EBF2: variants seen among roughly 807,000 people sequenced by gnomAD.
EBF2 encodes the protein EBF transcription factor 2, also known as transcription factor COE2.
EBF2 carries 21 observed loss-of-function variants against 72.8 expected under a neutral mutation model. The ratio of observed to expected loss-of-function variants is 0.29; its 90% CI spans 0.20 to 0.42. The LOEUF is 0.42. Among genes scored for constraint, EBF2 ranks in the 10% least tolerant of loss-of-function variants. The pLI is 1.00. For synonymous variants in EBF2, 299 were observed against 274.2 expected, an observed-to-expected ratio of 1.09 and a Z score of -0.89; for missense variants, 637 against 731.2, an observed-to-expected ratio of 0.87 and a Z score of 1.49.
rs185790316 is a variant in EBF2, at chr8:25,998,907, C to G, written c.551+34178G>C. On this transcript the variant is annotated intron_variant, in intron 6 of 15. Transcript: ENST00000520164. ...GGAAATACACTCGTCACCACCGTCT[C>G]TCTTTGAATAAACAAATTTCGGGTC... 2.0e-4 allele frequency among the ~76,000 whole-genome samples: 30 copies of G among 152,294 alleles called. No individual in the cohort carries two copies. The East Asian group carries it at 5.6e-3, about 28-fold the overall frequency.
intron 10 of EBF2, among the ~76,000 whole-genome samples, chr8:25,878,022 C>G (rs147159183): frequency 6.6e-6 from 1 of 152,162 alleles, no homozygotes; most frequent in African/African-American, 2.4e-5. Flanking sequence ...TAATTGGCAC[C>G]AGAGCTTTAC....
intron 6 of EBF2, among the ~76,000 whole-genome samples, chr8:25,971,629 A>G (rs1804191229): frequency 6.6e-6 from 1 of 152,160 alleles, no homozygotes; most frequent in African/African-American, 2.4e-5. Flanking sequence ...TGATAGGTTA[A>G]TGCTTGTCAC....
chr8:26,037,913 C>T (rs189859490), intron 5 of EBF2, among the ~76,000 whole-genome samples: 24 of 152,288 alleles, frequency 1.6e-4, no homozygotes, highest in Admixed American at 4.6e-4. Context: ...CTAAAGATTA[C>T]GGAACATAAA....
intron 6 of EBF2, among the ~76,000 whole-genome samples, chr8:25,943,583 T>C (rs919590647): frequency 1.3e-5 from 2 of 152,102 alleles, no homozygotes; most frequent in Non-Finnish European, 2.9e-5. Context: ...TCCTTTTCTC[T>C]ATACCACCCT....
intron 6 of EBF2, among the ~76,000 whole-genome samples, chr8:26,001,534 G>A (rs1393384839): frequency 6.6e-6 from 1 of 151,844 alleles, no homozygotes; most frequent in Non-Finnish European, 1.5e-5. Flanking sequence ...ACATATAAAG[G>A]AAAATAAGTT....
At chr8:25,949,491 G>A (rs549454447) in intron 6 of EBF2, among the ~76,000 whole-genome samples, 7 of 152,160 alleles carry the variant, frequency 4.6e-5, no homozygotes, top group East Asian at 3.9e-4. Flanking sequence ...CAAGAGGTGC[G>A]CCCTGATAAA....
At chr8:25,999,113 A>G (rs761497881) in intron 6 of EBF2, among the ~76,000 whole-genome samples, 28 of 152,246 alleles carry the variant, frequency 1.8e-4, no homozygotes, top group Non-Finnish European at 4.0e-4. Context: ...CCTCTTAGTT[A>G]TAAACAAGCT....
chr8:25,916,239 T>C (rs952186901), intron 6 of EBF2, among the ~76,000 whole-genome samples: 10 of 148,006 alleles, frequency 6.8e-5, no homozygotes, highest in African/African-American at 2.5e-4. Flanking sequence ...TGAGCCAAGA[T>C]TGTGCCACTG....
intron 6 of EBF2, among the ~76,000 whole-genome samples, chr8:26,017,544 A>G (rs1805131210): frequency 6.6e-6 from 1 of 152,236 alleles, no homozygotes; most frequent in South Asian, 2.1e-4. Flanking sequence ...GTTCTAGGGC[A>G]TGTTCTGTCC....
intron 6 of EBF2, among the ~76,000 whole-genome samples, chr8:25,958,359 G>A (rs887243180): frequency 3.3e-5 from 5 of 151,964 alleles, no homozygotes; most frequent in African/African-American, 1.2e-4. Flanking sequence ...TTAAAGTTTT[G>A]CTAAACATAA....
chr8:25,880,625 C>T (rs1469060477), intron 10 of EBF2, among the ~76,000 whole-genome samples: 1 of 152,108 alleles, frequency 6.6e-6, no homozygotes, highest in African/African-American at 2.4e-5. Flanking sequence ...TACAAAGCCC[C>T]ATATTCTTTT....
intron 6 of EBF2, among the ~76,000 whole-genome samples, chr8:25,942,966 G>C (rs1228892860): frequency 6.6e-6 from 1 of 152,180 alleles, no homozygotes; most frequent in Non-Finnish European, 1.5e-5. Context: ...ACCTCCTGGA[G>C]CTCAGGATTT....
chr8:25,924,162 C>T (rs1183867237), intron 6 of EBF2, among the ~76,000 whole-genome samples: 1 of 152,204 alleles, frequency 6.6e-6, no homozygotes, highest in Non-Finnish European at 1.5e-5. Flanking sequence ...GTCCCTCATA[C>T]AAGTCCCCTC....
intron 13 of EBF2, 56 bp from the exon 14 acceptor site, chr8:25,858,560 A>C: frequency 6.4e-7 from 1 of 1,558,914 alleles, no homozygotes. Context: ...GTCAGGCCAC[A>C]TGTGGCTAGC....
chr8:25,858,723 G>C (rs1487378967), intron 13 of EBF2, among the ~76,000 whole-genome samples: 1 of 137,382 alleles, frequency 7.3e-6, no homozygotes, highest in Non-Finnish European at 1.5e-5. Context: ...ACAGTGGCAC[G>C]ATCTTGGCTC....
chr8:25,935,195 G>T (rs981541359), intron 6 of EBF2, among the ~76,000 whole-genome samples: 1 of 152,116 alleles, frequency 6.6e-6, no homozygotes, highest in East Asian at 1.9e-4. Context: ...AGGGGGAAGT[G>T]GGGGTGTTGC....
At chr8:25,960,250 T>A (rs1480263305) in intron 6 of EBF2, among the ~76,000 whole-genome samples, 1 of 152,236 alleles carries the variant, frequency 6.6e-6, no homozygotes, top group East Asian at 1.9e-4. Context: ...AAGGAAAGTC[T>A]ATTGTCAGAT....
At chr8:26,041,033 G>A (rs1209274076) in intron 2 of EBF2, 31 bp from the exon 3 acceptor site, 19 of 1,612,410 alleles carry the variant, frequency 1.2e-5, no homozygotes, top group Non-Finnish European at 1.6e-5. Context: ...CGATTCCCTT[G>A]CCTTTCAGCC....
chr8:25,855,391 A>G (rs1004672829), intron 14 of EBF2, among the ~76,000 whole-genome samples: 1 of 152,236 alleles, frequency 6.6e-6, no homozygotes, highest in African/African-American at 2.4e-5. Context: ...GTTTGTATGT[A>G]AAATTGAAAA....
Sources: allele counts gnomAD v4.1 joint callset (sites outside exome capture counted in the v4.1 genomes callset), GRCh38; gene constraint gnomAD v4.1.1; transcripts MANE v1.5; gene names NCBI Gene and HGNC (gene_info 2026-07-23, HGNC 2026-07-21).